Variants in PNPLA7 observed in about 807,000 individuals in gnomAD.
The protein encoded by PNPLA7 is patatin like domain 7, lysophospholipase.
In PNPLA7, 153 loss-of-function variants were observed where a neutral mutation model predicts 161.7. The observed-to-expected ratio is 0.95, with a 90% CI of 0.83 to 1.08. PNPLA7 has a LOEUF of 1.08. Ranked by LOEUF, PNPLA7 falls within the 50% of genes least tolerant of loss-of-function variation. PNPLA7 has a pLI of 0.00. For missense variants in PNPLA7, 1,739 were observed against 1,856.6 expected (o/e 0.94, Z 1.16); for synonymous variants, 809 against 782.1 (o/e 1.03, Z -0.57).
chr9:137,519,784 G>T, intron 11 of PNPLA7, 133 bp downstream of exon 11: 1 of 1,221,080 alleles, frequency 8.2e-7, no homozygotes, highest in Non-Finnish European at 1.1e-6. Context: ...GACCTGGGCC[G>T]TGTGAGGTGA....
At chr9:137,536,464 G>A (rs566028717) in intron 8 of PNPLA7, among the ~76,000 whole-genome samples, 14 of 152,046 alleles carry the variant, frequency 9.2e-5, no homozygotes, top group Non-Finnish European at 1.9e-4. Flanking sequence ...TCACGGAGCC[G>A]CTGGTTCAGG....
chr9:137,546,870 C>G lies in PNPLA7; in HGVS notation c.233G>C (p.Arg78Thr). ...CCGGCCGTAAAACATCACTTTGTCTCTCTTCCGGAACCGGTACTGAGGAGT... is the reference window on the plus strand; with the variant it reads ...CCGGCCGTAAAACATCACTTTGTCTGTCTTCCGGAACCGGTACTGAGGAGT... ...QPTPQYRFRK[R>T]DKVMFYGRKI... Residue 78 changes from arginine to threonine, a missense_variant, in exon 4 of 35, where the codon AGA (arginine) becomes ACA (threonine). Physicochemically the swap from Arg to Thr is moderately conservative, Grantham distance 71. Around this residue, in one of 6 missense-constraint regions of PNPLA7, gnomAD observed 209 missense variants for 252.8 expected, o/e 0.83. Transcript: ENST00000406427. The G allele has an allele frequency of 6.2e-7, 1 of 1,613,996 alleles. No individual in the cohort carries two copies. The highest frequency in any genetic ancestry group is 8.5e-7 in the Non-Finnish European group (1 of 1,180,008).
intron 12 of PNPLA7, among the ~76,000 whole-genome samples, chr9:137,510,653 G>T (rs1449291224): frequency 1.3e-5 from 2 of 152,166 alleles, no homozygotes; most frequent in African/African-American, 4.8e-5. Flanking sequence ...TGGTGGTAGT[G>T]GTCCCCCGGG....
At chr9:137,546,099 C>G (rs1479656148) in intron 4 of PNPLA7, among the ~76,000 whole-genome samples, 1 of 152,188 alleles carries the variant, frequency 6.6e-6, no homozygotes, top group Admixed American at 6.5e-5. Flanking sequence ...CCATCCTGTA[C>G]ACCTGGCTCT....
At chr9:137,502,703 C>CGCGGGGGACGGGGGGGACGG (rs1833524598) in intron 14 of PNPLA7, among the ~76,000 whole-genome samples, 1 of 11,192 alleles carries the variant, frequency 8.9e-5, no homozygotes, top group Admixed American at 8.2e-4. Context: ...GGGGGGGACG[C>CGCGGGGGACGGGGGGGACGG]GGGGGACGCG....
At position 137,546,700 on chromosome 9, in the gene PNPLA7, G is replaced by T. The variant is rs1052355519; in HGVS notation, c.273+130C>A. 4 of 755,132 alleles carry T rather than the reference G, an allele frequency of 5.3e-6. No homozygotes were observed. The East Asian group carries it at 1.0e-4, about 19-fold the overall frequency. 46.8% of individuals were successfully genotyped at this position (755,132 alleles called of 1,614,324 possible). On this transcript the variant is annotated intron_variant, in intron 4 of 34. Coordinates refer to ENST00000406427, the MANE Select transcript of PNPLA7 (RefSeq NM_001098537.3). ...AACCCTGAGCCTGGTGGCAGAGCTG[G>T]GAAGCTGGGGAGAGGACAGCACACA...
intron 8 of PNPLA7, among the ~76,000 whole-genome samples, chr9:137,529,987 T>A (rs1835503379): frequency 7.0e-6 from 1 of 143,544 alleles, no homozygotes; most frequent in South Asian, 2.2e-4. Context: ...TTTCCTGAGA[T>A]ACAGTCTTGC....
intron 20 of PNPLA7, chr9:137,491,798 C>T (rs1832775997): frequency 1.0e-6 from 1 of 985,304 alleles, no homozygotes; most frequent in Non-Finnish European, 1.2e-6. Flanking sequence ...CTCCTGCTCC[C>T]AGCCAGCTCA....
rs763270925 is a variant in PNPLA7 at position 137,461,969 on chromosome 9, G to A, written c.3718C>T (p.Arg1240Cys). 1.9e-6 allele frequency: 3 copies of A among 1,597,388 alleles called. No homozygotes were observed. The highest frequency in any genetic ancestry group is 3.4e-5 in the Admixed American group (2 of 58,820). ...TTCTTGCTCGGCCCCTGCTGGTCGCGGAGCATCTTCTCCAGCACGCCGCTG... is the reference window on the plus strand; with the variant it reads ...TTCTTGCTCGGCCCCTGCTGGTCGCAGAGCATCTTCTCCAGCACGCCGCTG... ...GRSGVLEKML[R>C]DQQGPSKKPA... The change falls in exon 32 of 35, where the codon CGC (arginine) becomes TGC (cysteine). Residue 1240 changes from arginine (R) to cysteine (C), a missense_variant. By Grantham distance (180) the Arg-to-Cys change is radical. Around this residue, in one of 6 missense-constraint regions of PNPLA7, gnomAD observed 703 missense variants for 694.6 expected, o/e 1.01. Coordinates refer to ENST00000406427, the MANE Select transcript of PNPLA7 (RefSeq NM_001098537.3).
chr9:137,528,724 G>A (rs1305556203), intron 8 of PNPLA7, among the ~76,000 whole-genome samples: 1 of 143,626 alleles, frequency 7.0e-6, no homozygotes, highest in Non-Finnish European at 1.5e-5. Context: ...TTTTTGAGAT[G>A]GAGTCTCGCT....
Position 137,498,293 on chromosome 9 carries a change from C to T in PNPLA7, c.1758-48G>A, listed in dbSNP as rs117872109. On this transcript the variant is annotated intron_variant, in intron 16 of 34. Transcript: ENST00000406427. ...TCCTGCCCCATCCCTCCAACCCTAC[C>T]CTTCGCCCAGGGCCGCAGTGCTCGG... is the stretch of plus-strand genomic sequence containing the variant. 10 of 1,598,910 alleles carry T rather than the reference C, an allele frequency of 6.3e-6. No individual in the cohort carries two copies. The East Asian group carries it at 2.2e-4, about 36-fold the overall frequency.
intron 32 of PNPLA7, 64 bp downstream of exon 32, chr9:137,461,867 G>A (rs1588522611): frequency 1.4e-6 from 2 of 1,461,116 alleles, no homozygotes; most frequent in East Asian, 2.5e-5. Flanking sequence ...ACTGGGCGTG[G>A]GCGTGGCCCG....
chr9:137,478,997 A>G (rs1049842042), intron 24 of PNPLA7, 59 bp downstream of exon 24: 4 of 1,472,728 alleles, frequency 2.7e-6, no homozygotes, highest in African/African-American at 1.4e-5. Flanking sequence ...GAATGCTTCG[A>G]ACGTTCGAGG....
intron 20 of PNPLA7, among the ~76,000 whole-genome samples, chr9:137,488,623 A>G (rs1293168797): frequency 2.6e-5 from 4 of 152,230 alleles, no homozygotes; most frequent in East Asian, 1.9e-4. Context: ...TCCCAGCCAC[A>G]TGGCTGCCAC....
intron 12 of PNPLA7, among the ~76,000 whole-genome samples, chr9:137,507,164 T>C (rs1376815712): frequency 6.6e-6 from 1 of 152,258 alleles, no homozygotes; most frequent in East Asian, 1.9e-4. Context: ...TTCAGCCCGG[T>C]GCACTGTGCT....
At chr9:137,546,973 A>G (rs1351660714) in intron 3 of PNPLA7, 64 bp from the exon 4 acceptor site, 5 of 1,481,868 alleles carry the variant, frequency 3.4e-6, no homozygotes, top group African/African-American at 1.4e-5. Context: ...CTGGACATGC[A>G]GGTGCAGCAC....
chr9:137,535,934 C>G (rs527895835), intron 8 of PNPLA7, among the ~76,000 whole-genome samples: 74 of 151,788 alleles, frequency 4.9e-4, no homozygotes, highest in Non-Finnish European at 9.9e-4. Flanking sequence ...GGGCAGATCA[C>G]GAGGTCAGGA....
chr9:137,501,190 G>A (rs776811302), intron 15 of PNPLA7, among the ~76,000 whole-genome samples: 1 of 152,210 alleles, frequency 6.6e-6, no homozygotes, highest in African/African-American at 2.4e-5. Flanking sequence ...GCAAATGCGC[G>A]TCAGCCCAGC....
intron 25 of PNPLA7, among the ~76,000 whole-genome samples, chr9:137,471,890 C>T (rs1341461409): frequency 6.6e-6 from 1 of 152,022 alleles, no homozygotes; most frequent in East Asian, 1.9e-4. Flanking sequence ...CATGCAAATG[C>T]AAAGGGCCTA....
Sources: allele counts gnomAD v4.1 joint callset (sites outside exome capture counted in the v4.1 genomes callset), GRCh38; gene constraint gnomAD v4.1.1; regional missense constraint gnomAD v4.1.1; transcripts MANE v1.5; gene names NCBI Gene and HGNC (gene_info 2026-07-23, HGNC 2026-07-21).